CADM1: variants seen among roughly 807,000 people sequenced by gnomAD.
The protein encoded by CADM1 is cell adhesion molecule 1, also known as TSLC-1.
A neutral mutation model predicts 53.1 loss-of-function variants in CADM1; 15 were observed. That is an observed-to-expected ratio of 0.28 (90% confidence interval 0.19 to 0.44). The LOEUF is 0.44. CADM1 is among the 20% of genes least tolerant of loss of function. The pLI, the probability that CADM1 is intolerant of heterozygous loss-of-function variation, is 1.00. For synonymous variants in CADM1, 281 were observed against 243.0 expected (o/e 1.16, Z -1.45); for missense variants, 434 against 611.3 (o/e 0.71, Z 3.06).
chr11:115,259,039 A>G (rs933832806), intron 1 of CADM1, among the ~76,000 whole-genome samples: 2 of 152,138 alleles, frequency 1.3e-5, no homozygotes, highest in South Asian at 4.2e-4. Flanking sequence ...TGGCTGGAGT[A>G]CAGTGGTATG....
At chr11:115,470,242 T>C (rs990900485) in intron 1 of CADM1, among the ~76,000 whole-genome samples, 2 of 152,340 alleles carry the variant, frequency 1.3e-5, no homozygotes, top group South Asian at 2.1e-4. Flanking sequence ...GTTAGACCAC[T>C]GGACAGTTCC....
intron 1 of CADM1, among the ~76,000 whole-genome samples, chr11:115,261,543 A>G (rs1656165343): frequency 6.6e-6 from 1 of 152,340 alleles, no homozygotes; most frequent in African/African-American, 2.4e-5. Flanking sequence ...GAAGGGGTGT[A>G]TGTGTGCAAT....
At position 115,441,742 on chromosome 11, in the gene CADM1, T is replaced by C. The variant is rs139279121; in HGVS notation, c.124+62529A>G. 1.3e-3 allele frequency among the ~76,000 whole-genome samples: 195 copies of C among 152,290 alleles called. 1 individual carries two copies. Among genetic ancestry groups the C allele is most frequent in the African/African-American group, 4.3e-3 (180 of 41,558 alleles). On this transcript the variant is annotated intron_variant, in intron 1 of 11. Coordinates refer to ENST00000331581, the MANE Select transcript of CADM1 (RefSeq NM_001301043.2). ...ACACCTCTAGCCCCTTCCGTTATTT[T>C]ACAATTCCCCAAACCCTGCATCAGG...
At chr11:115,283,442 G>C (rs1398507310) in intron 1 of CADM1, among the ~76,000 whole-genome samples, 1 of 152,190 alleles carries the variant, frequency 6.6e-6, no homozygotes, top group African/African-American at 2.4e-5. Flanking sequence ...GAAGGTATTG[G>C]AAGGAACGCA....
chr11:115,309,510 TTA>T (rs1448419717), intron 1 of CADM1, among the ~76,000 whole-genome samples: 2 of 152,282 alleles, frequency 1.3e-5, no homozygotes, highest in Non-Finnish European at 2.9e-5. Context: ...TCAAAGAAGT[TTA>T]ATAACGGATT....
At chr11:115,373,767 G>C (rs1244849188) in intron 1 of CADM1, among the ~76,000 whole-genome samples, 1 of 151,994 alleles carries the variant, frequency 6.6e-6, no homozygotes, top group Non-Finnish European at 1.5e-5. Flanking sequence ...ATCACCTGTG[G>C]AAATTGTTAA....
chr11:115,304,228 A>C (rs920234791), intron 1 of CADM1, among the ~76,000 whole-genome samples: 5 of 152,060 alleles, frequency 3.3e-5, no homozygotes, highest in African/African-American at 4.8e-5. Flanking sequence ...TTTGCCATCA[A>C]CTCTAAATGA....
At chr11:115,286,250 C>T (rs534724554) in intron 1 of CADM1, among the ~76,000 whole-genome samples, 1 of 152,178 alleles carries the variant, frequency 6.6e-6, no homozygotes, top group Non-Finnish European at 1.5e-5. Flanking sequence ...CACCCATTAT[C>T]ATAAATTTAT....
intron 1 of CADM1, among the ~76,000 whole-genome samples, chr11:115,353,630 A>C (rs1250903679): frequency 1.3e-5 from 2 of 152,148 alleles, no homozygotes; most frequent in Non-Finnish European, 2.9e-5. Flanking sequence ...CCAGACTGAG[A>C]TAGAATACGC....
At chr11:115,305,178 A>G in intron 1 of CADM1, among the ~76,000 whole-genome samples, 1 of 151,970 alleles carries the variant, frequency 6.6e-6, no homozygotes, top group Admixed American at 6.6e-5. Context: ...AAAGCTTGAC[A>G]AGTGCTTAAT....
At chr11:115,405,293 T>A (rs1947285890) in intron 1 of CADM1, among the ~76,000 whole-genome samples, 1 of 152,128 alleles carries the variant, frequency 6.6e-6, no homozygotes, top group Admixed American at 6.5e-5. Context: ...TTCACTACCA[T>A]CAAATCAATG....
chr11:115,385,554 C>T (rs955687787), intron 1 of CADM1, among the ~76,000 whole-genome samples: 4 of 151,338 alleles, frequency 2.6e-5, no homozygotes, highest in African/African-American at 7.3e-5. Flanking sequence ...TTTATGTTTG[C>T]CTTGGAATGT....
At chr11:115,474,821 C>T (rs1015623694) in intron 1 of CADM1, among the ~76,000 whole-genome samples, 17 of 152,064 alleles carry the variant, frequency 1.1e-4, no homozygotes, top group African/African-American at 4.1e-4. Flanking sequence ...ACGTTGTGCA[C>T]ATGTACCCTA....
intron 1 of CADM1, among the ~76,000 whole-genome samples, chr11:115,328,856 A>G (rs1945056988): frequency 1.4e-5 from 2 of 146,562 alleles, no homozygotes; most frequent in Admixed American, 1.4e-4. Context: ...TGTACATGAG[A>G]GACAAGGAAA....
chr11:115,503,692 CAG>C (rs1463330715), intron 1 of CADM1, among the ~76,000 whole-genome samples: 3 of 152,076 alleles, frequency 2.0e-5, no homozygotes, highest in African/African-American at 7.2e-5. Flanking sequence ...AGTTTGGGGA[CAG>C]GGGAGAAAGG....
intron 1 of CADM1, among the ~76,000 whole-genome samples, chr11:115,376,751 T>C (rs541115954): frequency 1.2e-4 from 18 of 152,246 alleles, no homozygotes; most frequent in African/African-American, 4.1e-4. Context: ...GAAGCTCTTG[T>C]CTGAAGCAGG....
chr11:115,175,338 A>C lies in CADM1; in HGVS notation c.*1136T>G. The C allele has an allele frequency of 1.0e-6, 1 of 977,106 alleles. No homozygotes were observed. Among genetic ancestry groups the C allele is most frequent in the Non-Finnish European group, 1.2e-6 (1 of 823,908 alleles). 60.5% of individuals were successfully genotyped at this position (977,106 alleles called of 1,614,324 possible). A position where few individuals can be genotyped will look rare whatever the true frequency, so the allele number is the denominator to read the frequency against. ...AATATCTGTAATATACAGTACATGC[A>C]GGCCACATCCTACTGCCTTCCTAAC... On this transcript the variant is annotated 3_prime_UTR_variant, in exon 12 of 12. Transcript: ENST00000331581.
At chr11:115,289,852 C>T (rs1474222881) in intron 1 of CADM1, among the ~76,000 whole-genome samples, 3 of 152,132 alleles carry the variant, frequency 2.0e-5, no homozygotes, top group Admixed American at 6.5e-5. Flanking sequence ...GCCTCGGCCT[C>T]CCAAAGTGCT....
chr11:115,218,120 C>A, intron 5 of CADM1, 129 bp from the exon 6 acceptor site: 1 of 697,564 alleles, frequency 1.4e-6, no homozygotes, highest in Non-Finnish European at 2.6e-6. Flanking sequence ...CAGTAACACC[C>A]TTCTAATTAG....
Sources: gnomAD v4.1 joint callset for allele counts (sites outside exome capture counted in the v4.1 genomes callset) on GRCh38, gnomAD v4.1.1 for gene constraint, MANE v1.5 for transcripts, NCBI Gene and HGNC (gene_info 2026-07-23, HGNC 2026-07-21) for gene names.